FERMT1: variants seen among roughly 807,000 people sequenced by gnomAD.
FERMT1 encodes FERM domain containing kindlin 1.
In FERMT1, 60 loss-of-function variants were observed where a neutral mutation model predicts 85.3. The observed-to-expected ratio is 0.70, with a 90% confidence interval of 0.57 to 0.87. The LOEUF is 0.87. Ranked by LOEUF, FERMT1 falls within the 40% of genes least tolerant of loss-of-function variation. The pLI is 0.00. For synonymous variants in FERMT1, 275 were observed against 301.1 expected (o/e 0.91, Z 0.90); for missense variants, 701 against 818.9 (o/e 0.86, Z 1.76).
At chr20:6,092,776 G>A (rs1032925965) in intron 9 of FERMT1, among the ~76,000 whole-genome samples, 6 of 152,040 alleles carry the variant, frequency 3.9e-5, no homozygotes, top group African/African-American at 1.4e-4. Context: ...GGACTGAAAG[G>A]TTCATCTTCT....
At chr20:6,121,400 G>A (rs888857010) in intron 1 of FERMT1, among the ~76,000 whole-genome samples, 9 of 152,184 alleles carry the variant, frequency 5.9e-5, no homozygotes, top group African/African-American at 1.7e-4. Context: ...CATTACAGGC[G>A]TGGGCCACCA....
At position 6,080,643 on chromosome 20, in the gene FERMT1, G is replaced by A. The variant is rs189657208; in HGVS notation, c.1719-1066C>T. 2.2e-3 allele frequency among the ~76,000 whole-genome samples: 339 copies of A among 152,310 alleles called. 3 individuals are homozygous for A. The highest frequency in any genetic ancestry group is 5.2e-3 in the Admixed American group (80 of 15,294). The stretch of plus-strand genomic sequence containing the variant: ...GTCGGATTCTGTGTGTACTTTGAAG[G>A]TAGAGTCACTAGGAGTTGCCTATGG... On this transcript the variant is annotated intron_variant, in intron 13 of 14. Transcript: ENST00000217289.
intron 9 of FERMT1, chr20:6,094,237 A>AAGGAACTGAC (rs1439596362): frequency 6.6e-6 from 1 of 152,234 alleles, no homozygotes; most frequent in Non-Finnish European, 1.5e-5. Flanking sequence ...AAAGTGAAAT[A>AAGGAACTGAC]AGGAACTGAC....
At chr20:6,082,823 T>C (rs1387650439) in intron 13 of FERMT1, among the ~76,000 whole-genome samples, 1 of 151,176 alleles carries the variant, frequency 6.6e-6, no homozygotes, top group Non-Finnish European at 1.5e-5. Flanking sequence ...GCCCAGCTAA[T>C]TTTTTTTTGT....
intron 13 of FERMT1, among the ~76,000 whole-genome samples, chr20:6,083,719 AC>A (rs1461996268): frequency 3.5e-5 from 5 of 143,754 alleles, no homozygotes; most frequent in Non-Finnish European, 7.7e-5. Context: ...AAAAAAAAAA[AC>A]CGAAAAGAAG....
In FERMT1 at chr20:6,110,303, A is replaced by G. The variant is rs1306809997; in HGVS notation, c.741T>C (p.Asn247=). ...PRSLVDKAKL[N]AGWLDSSRSL... ...AAAAGGAGCCGTGTCCTTACCCTGC[A>G]TTGAGCTTGGCTTTATCAACCAGAG... The change falls in exon 5 of 15, where the codon AAT becomes AAC. Residue 247 remains asparagine, a synonymous_variant. Transcript: ENST00000217289. 1 of 1,611,938 alleles carries G rather than the reference A, an allele frequency of 6.2e-7. No homozygotes were observed. The highest frequency in any genetic ancestry group is 1.3e-5 in the African/African-American group (1 of 74,838).
intron 13 of FERMT1, among the ~76,000 whole-genome samples, chr20:6,082,819 C>T (rs1189530742): frequency 6.6e-6 from 1 of 152,112 alleles, no homozygotes; most frequent in Non-Finnish European, 1.5e-5. Context: ...CCACGCCCAG[C>T]TAATTTTTTT....
Position 6,085,189 on chromosome 20 carries a change from A to C in FERMT1, c.1470T>G (p.Leu490=). The change falls in exon 12 of 15, where the codon CTT becomes CTG. Residue 490 remains leucine, a synonymous_variant. Transcript: ENST00000217289. Reference sequence around the variant, plus strand: ...TCCTGTTTTTCATCCTCAGAAATGAAAGGATGTTGAGGACCTCTGGCTGGT... The same window carrying C: ...TCCTGTTTTTCATCCTCAGAAATGACAGGATGTTGAGGACCTCTGGCTGGT... ...SSYQPEVLNI[L]SFLRMKNRNS... The C allele has an allele frequency of 6.2e-7, 1 of 1,614,150 alleles. No individual in the cohort carries two copies. Among genetic ancestry groups the C allele is most frequent in the Non-Finnish European group, 8.5e-7 (1 of 1,180,020 alleles).
At chr20:6,096,801 T>TTTAAAAA in intron 8 of FERMT1, 101 bp downstream of exon 8, 2 of 925,438 alleles carry the variant, frequency 2.2e-6, no homozygotes, top group Non-Finnish European at 3.1e-6. Flanking sequence ...TTTTTTTTTT[T>TTTAAAAA]CAAAATCAGA....
intron 12 of FERMT1, among the ~76,000 whole-genome samples, chr20:6,084,850 C>G (rs890431515): frequency 6.6e-6 from 1 of 152,070 alleles, no homozygotes; most frequent in African/African-American, 2.4e-5. Context: ...TGCACCACCA[C>G]GTCTGACTGA....
rs564672778 is a variant in FERMT1, at chr20:6,104,713, C to G, written c.849+2819G>C. 1.1e-3 allele frequency among the ~76,000 whole-genome samples: 167 copies of G among 152,340 alleles called. No homozygotes were observed. The highest frequency in any genetic ancestry group is 3.9e-3 in the African/African-American group (164 of 41,572). ...CTGGAGGCCAAAGAGCCAGAGACAA[C>G]AGCCCTTGTGACCCTCAGCTTCAGT... On this transcript the variant is annotated intron_variant, in intron 6 of 14. Transcript: ENST00000217289. This position sits in a 1 kb window ranked among gnomAD's most constrained non-coding sequence, Gnocchi z 4.2.
At chr20:6,095,120 A>C (rs1982466705) in intron 8 of FERMT1, 132 bp from the exon 9 acceptor site, 3 of 645,716 alleles carry the variant, frequency 4.6e-6, no homozygotes, top group Non-Finnish European at 8.5e-6. Context: ...AAATTAAATA[A>C]AATGAAAAAC....
chr20:6,090,364 C>G (rs574403700), intron 9 of FERMT1, among the ~76,000 whole-genome samples: 27 of 152,178 alleles, frequency 1.8e-4, no homozygotes, highest in African/African-American at 6.0e-4. Flanking sequence ...TGAGCCACCA[C>G]GCCCAGCTGG....
intron 6 of FERMT1, among the ~76,000 whole-genome samples, chr20:6,105,813 T>C (rs1014045584): frequency 6.6e-6 from 1 of 152,198 alleles, no homozygotes; most frequent in Non-Finnish European, 1.5e-5. Context: ...GGGGCACAGA[T>C]TTGAATAGAT....
chr20:6,084,143 C>T lies in FERMT1; in HGVS notation c.1615G>A (p.Ala539Thr). ...GGCATCTGGGCCACGTTCTGGTGCG[C>T]CTCCAGGATCCGGGCGGCCAGCTGA... Reference protein sequence around the residue: ...SKQLAARILEAHQNVAQMPLV... With the variant: ...SKQLAARILETHQNVAQMPLV... The change falls in exon 13 of 15, where the codon GCG becomes ACG. Residue 539 changes from alanine to threonine, a missense_variant. Transcript: ENST00000217289. 6.2e-7 allele frequency: 1 copy of T among 1,613,036 alleles called. No homozygotes were observed. Among genetic ancestry groups the T allele is most frequent in the Non-Finnish European group, 8.5e-7 (1 of 1,179,544 alleles).
intron 8 of FERMT1, among the ~76,000 whole-genome samples, chr20:6,095,520 C>T (rs1417851835): frequency 1.3e-5 from 2 of 152,220 alleles, no homozygotes; most frequent in Non-Finnish European, 2.9e-5. Flanking sequence ...ACTGATTAAA[C>T]TTTCAAAGTG....
At chr20:6,119,179 C>A (rs918432364) in intron 2 of FERMT1, among the ~76,000 whole-genome samples, 1 of 152,160 alleles carries the variant, frequency 6.6e-6, no homozygotes, top group African/African-American at 2.4e-5. Context: ...ATCTCCTGAC[C>A]TCAGGTGATC....
At chr20:6,108,677 G>A (rs532701520) in intron 5 of FERMT1, among the ~76,000 whole-genome samples, 2 of 152,174 alleles carry the variant, frequency 1.3e-5, no homozygotes, top group Non-Finnish European at 2.9e-5. Context: ...AGGTGTTGTG[G>A]CACATGGCTG....
At position 6,084,087 on chromosome 20, in the gene FERMT1, C is replaced by T; in HGVS notation, c.1671G>A (p.Gln557=). The change falls in exon 13 of 15, where the codon CAG becomes CAA. Residue 557 remains glutamine (Q), a synonymous_variant. Transcript: ENST00000217289. ...PLVEAKLRFI[Q]AWQSLPEFGL... ...CAAACTCAGGCAGTGACTGCCACGC[C>T]TGGATGAACCGCAGCTTGGCTTCGA... 1 of 1,614,066 alleles carries T rather than the reference C, an allele frequency of 6.2e-7. No homozygotes were observed. The highest frequency in any genetic ancestry group is 8.5e-7 in the Non-Finnish European group (1 of 1,180,000).
Sources: allele counts gnomAD v4.1 joint callset (sites outside exome capture counted in the v4.1 genomes callset), GRCh38; gene constraint gnomAD v4.1.1; non-coding constraint Gnocchi (gnomAD v3.1); transcripts MANE v1.5; gene names NCBI Gene and HGNC (gene_info 2026-07-23, HGNC 2026-07-21).